The following ZNF714 variants were observed in gnomAD, a reference collection of about 807,000 sequenced individuals.
ZNF714 encodes the protein zinc finger protein 714.
A neutral mutation model predicts 46.2 loss-of-function variants in ZNF714; 32 were observed. The observed-to-expected ratio is 0.69, with a 90% CI of 0.52 to 0.93. The LOEUF is 0.93. ZNF714 is among the 40% of genes least tolerant of loss of function. The pLI is 0.00. For missense variants in ZNF714, 635 were observed against 646.3 expected, an observed-to-expected ratio of 0.98 and a Z score of 0.19; for synonymous variants, 199 against 213.1, an observed-to-expected ratio of 0.93 and a Z score of 0.58.
intron 4 of ZNF714, among the ~76,000 whole-genome samples, chr19:21,109,264 G>C (rs1276392794): frequency 1.3e-5 from 2 of 151,952 alleles, no homozygotes; most frequent in Non-Finnish European, 2.9e-5. Flanking sequence ...TGTCAACCAG[G>C]CTGGTTTGCA....
At chr19:21,115,392 CTTTA>C (rs925852481) in intron 4 of ZNF714, among the ~76,000 whole-genome samples, 11 of 151,692 alleles carry the variant, frequency 7.3e-5, no homozygotes, top group African/African-American at 2.4e-4. Context: ...TATAAAATTA[CTTTA>C]TTTAATCGTA....
intron 4 of ZNF714, 49 bp downstream of exon 4, chr19:21,098,959 T>TG (rs1969107144): frequency 1.5e-6 from 1 of 650,000 alleles, no homozygotes. Context: ...GGTACAAAGG[T>TG]AAAAAAAAAA....
intron 2 of ZNF714, among the ~76,000 whole-genome samples, chr19:21,092,344 C>T (rs2144831192): frequency 6.6e-6 from 1 of 152,302 alleles, no homozygotes; most frequent in South Asian, 2.1e-4. Context: ...TTTAGTGTTT[C>T]TTGACAAAAA....
In ZNF714 at chr19:21,116,850, CAT is replaced by C; in HGVS notation, c.188_189del (p.Ile63LysfsTer16). The C allele has an allele frequency of 6.2e-7, 1 of 1,611,832 alleles. No homozygotes were observed. The highest frequency in any genetic ancestry group is 1.1e-5 in the South Asian group (1 of 90,446). The stretch of plus-strand genomic sequence containing the variant: ...CCAGAGACCTTTGGCCAGAGCAAGA[CAT>C]AAAAGATTCTTTTCAACAAGTGATA... ...FTRDLWPEQD[I>X]KDSFQQVILR... On this transcript the variant is annotated frameshift_variant, in exon 5 of 5. Coordinates refer to ENST00000456283, the MANE Select transcript of ZNF714 (RefSeq NM_182515.4). LOFTEE classifies it high-confidence loss of function.
chr19:21,120,621 C>T lies in ZNF714; in HGVS notation c.*2289C>T, dbSNP rs1748937718. On this transcript the variant is annotated 3_prime_UTR_variant, in exon 5 of 5. Transcript: ENST00000456283. The stretch of plus-strand genomic sequence containing the variant: ...AGATTGTGTGAAGTTAATAGTTTAA[C>T]ATTTTTAACATGTTAAATACTATTG... The T allele has an allele frequency of 6.6e-6, 1 of 152,040 alleles. No homozygotes were observed. Among genetic ancestry groups the T allele is most frequent in the South Asian group, 2.1e-4 (1 of 4,822 alleles). The allele number at this position is 152,040 out of a possible 1,614,324, so 9.4% of individuals were successfully genotyped here.
At chr19:21,113,918 G>C (rs1351892618) in intron 4 of ZNF714, among the ~76,000 whole-genome samples, 1 of 152,084 alleles carries the variant, frequency 6.6e-6, no homozygotes, top group East Asian at 1.9e-4. Flanking sequence ...TTGACCCACA[G>C]CTGAGTTCAA....
intron 2 of ZNF714, among the ~76,000 whole-genome samples, chr19:21,097,961 A>T (rs1369918122): frequency 6.6e-6 from 1 of 152,228 alleles, no homozygotes; most frequent in Non-Finnish European, 1.5e-5. Flanking sequence ...TATCATCCAG[A>T]AAAGTATTAT....
chr19:21,113,443 T>G (rs1323791965), intron 4 of ZNF714, among the ~76,000 whole-genome samples: 1 of 151,822 alleles, frequency 6.6e-6, no homozygotes, highest in East Asian at 1.9e-4. Flanking sequence ...TGATTTCAGT[T>G]CTTTTGCATT....
Position 21,117,551 on chromosome 19 carries a change from G to T in ZNF714, c.887G>T (p.Arg296Leu). The change falls in exon 5 of 5, where the codon CGA becomes CTA. Residue 296 changes from arginine to leucine, a missense_variant. Transcript: ENST00000456283. ...KCEECDKAFNRFSYLTKHKII... is the reference protein window; with the variant it reads ...KCEECDKAFNLFSYLTKHKII... ...GAAGAATGTGACAAAGCTTTTAACCGATTCTCATACCTTACTAAACATAAG... is the reference window on the plus strand; with the variant it reads ...GAAGAATGTGACAAAGCTTTTAACCTATTCTCATACCTTACTAAACATAAG... 6.2e-7 allele frequency: 1 copy of T among 1,605,384 alleles called. No individual in the cohort carries two copies. The highest frequency in any genetic ancestry group is 1.1e-5 in the South Asian group (1 of 90,406).
intron 4 of ZNF714, among the ~76,000 whole-genome samples, chr19:21,105,954 C>CA (rs1473818090): frequency 3.3e-5 from 5 of 150,436 alleles, no homozygotes; most frequent in South Asian, 2.1e-4. Context: ...GACTCCATCT[C>CA]AAAAAAAATA....
Position 21,118,339 on chromosome 19 carries a change from C to T in ZNF714, c.*7C>T. On this transcript the variant is annotated 3_prime_UTR_variant, in exon 5 of 5. Transcript: ENST00000456283. ...TGGTGGCAGGCGCCTGTAATCCCAG[C>T]TACTTGGGAGGCAGAGGCAGGAGAA... The T allele has an allele frequency of 1.4e-6, 1 of 733,288 alleles. No homozygotes were observed. The highest frequency in any genetic ancestry group is 1.9e-5 in the South Asian group (1 of 53,638). 45.4% of individuals were successfully genotyped at this position (733,288 alleles called of 1,614,324 possible). A position where few individuals can be genotyped will look rare whatever the true frequency, so the allele number is the denominator to read the frequency against.
At chr19:21,093,286 G>A (rs1023801975) in intron 2 of ZNF714, among the ~76,000 whole-genome samples, 2 of 151,450 alleles carry the variant, frequency 1.3e-5, no homozygotes, top group African/African-American at 4.9e-5. Context: ...AGGCTGGAGT[G>A]TGATGGCGCC....
intron 4 of ZNF714, among the ~76,000 whole-genome samples, chr19:21,116,597 G>A (rs1351366642): frequency 6.6e-6 from 1 of 152,008 alleles, no homozygotes; most frequent in Non-Finnish European, 1.5e-5. Flanking sequence ...GTACTCACCT[G>A]GGGAACTTTA....
chr19:21,082,267 G>A lies in ZNF714; in HGVS notation c.-258G>A. ...TGCCCTGTGTCCTCTGCTCGCAGAGGCCCAGCCTCTGTGGCCCTGTGACCT... is the reference window on the plus strand; with the variant it reads ...TGCCCTGTGTCCTCTGCTCGCAGAGACCCAGCCTCTGTGGCCCTGTGACCT... On this transcript the variant is annotated 5_prime_UTR_variant, in exon 1 of 5. Transcript: ENST00000456283. 1 of 1,395,366 alleles carries A rather than the reference G, an allele frequency of 7.2e-7. No individual in the cohort carries two copies. Among genetic ancestry groups the A allele is most frequent in the South Asian group, 1.1e-5 (1 of 88,582 alleles). The allele number at this position is 1,395,366 out of a possible 1,614,324, so 86.4% of individuals were successfully genotyped here.
rs1969628591 is a variant in ZNF714 at position 21,117,569 on chromosome 19, A to C, written c.905A>C (p.Lys302Thr). 1 of 1,606,362 alleles carries C rather than the reference A, an allele frequency of 6.2e-7. No individual in the cohort carries two copies. Among genetic ancestry groups the C allele is most frequent in the Non-Finnish European group, 8.5e-7 (1 of 1,175,800 alleles). The change falls in exon 5 of 5, where the codon AAA becomes ACA. Residue 302 changes from lysine (K) to threonine (T), a missense_variant. Physicochemically the swap from Lys to Thr is moderately conservative, Grantham distance 78 (BLOSUM62 -1). Coordinates refer to ENST00000456283, the MANE Select transcript of ZNF714 (RefSeq NM_182515.4). ...TTTAACCGATTCTCATACCTTACTA[A>C]ACATAAGATAATTCATTCTGGAGAG... Reference protein sequence around the residue: ...KAFNRFSYLTKHKIIHSGEKS... With the variant: ...KAFNRFSYLTTHKIIHSGEKS...
chr19:21,113,462 A>G (rs1969509779), intron 4 of ZNF714, among the ~76,000 whole-genome samples: 1 of 151,130 alleles, frequency 6.6e-6, no homozygotes, highest in African/African-American at 2.4e-5. Flanking sequence ...TTTGCTGAGA[A>G]GTGTTTTACT....
At chr19:21,095,414 G>C (rs912768404) in intron 2 of ZNF714, among the ~76,000 whole-genome samples, 7 of 152,022 alleles carry the variant, frequency 4.6e-5, no homozygotes, top group African/African-American at 1.7e-4. Flanking sequence ...GGCTCCCAGA[G>C]CTCAGGGCCT....
chr19:21,123,509 C>T lies in ZNF714; in HGVS notation c.*5177C>T, dbSNP rs113967228. Among the ~76,000 whole-genome samples, 11,558 of 151,954 alleles carry T rather than the reference C, an allele frequency of 0.076. 507 individuals carry two copies. Among genetic ancestry groups the T allele is most frequent in the Non-Finnish European group, 0.086 (5,864 of 67,972 alleles). On this transcript the variant is annotated 3_prime_UTR_variant, in exon 5 of 5. Coordinates refer to ENST00000456283, the MANE Select transcript of ZNF714 (RefSeq NM_182515.4). ...AGCTGGGACTACAGGCGCCCGCTAC[C>T]GCACCCGTCTAATTTTTTTGTATTT...
chr19:21,087,712 G>C (rs1481320046), intron 2 of ZNF714, among the ~76,000 whole-genome samples: 3 of 152,118 alleles, frequency 2.0e-5, no homozygotes, highest in Non-Finnish European at 4.4e-5. Context: ...TTCACACACA[G>C]AAACTCTTTT....
Sources: gnomAD v4.1 joint callset for allele counts (sites outside exome capture counted in the v4.1 genomes callset) on GRCh38, gnomAD v4.1.1 for gene constraint, MANE v1.5 for transcripts, NCBI Gene and HGNC (gene_info 2026-07-23, HGNC 2026-07-21) for gene names.